Variants in RILPL1 observed in about 807,000 individuals in gnomAD.
The protein encoded by RILPL1 is Rab interacting lysosomal protein like 1, also known as RILP-like protein 1.
RILPL1 carries 33 observed loss-of-function variants against 50.3 expected under a neutral mutation model. The ratio of observed to expected loss-of-function variants is 0.66; its 90% CI spans 0.50 to 0.88. The LOEUF is 0.88. Among genes scored for constraint, RILPL1 ranks in the 40% least tolerant of loss-of-function variants. RILPL1 has a pLI of 0.00. For missense variants in RILPL1, 418 were observed against 542.5 expected (o/e 0.77, Z 2.28); for synonymous variants, 205 against 228.6 (o/e 0.90, Z 0.93).
chr12:123,495,475 C>T (rs1412122114), intron 4 of RILPL1, among the ~76,000 whole-genome samples: 2 of 143,594 alleles, frequency 1.4e-5, no homozygotes, highest in African/African-American at 5.2e-5. Flanking sequence ...CCTGGGTTCA[C>T]GCCATTCTCC....
intron 6 of RILPL1, among the ~76,000 whole-genome samples, chr12:123,477,940 G>C (rs1279160492): frequency 6.7e-6 from 1 of 149,958 alleles, no homozygotes; most frequent in African/African-American, 2.4e-5. Context: ...ATGCTCGGGG[G>C]CCTGGGACAC....
At chr12:123,521,691 A>ACG (rs1885058955) in intron 2 of RILPL1, among the ~76,000 whole-genome samples, 1 of 17,528 alleles carries the variant, frequency 5.7e-5, no homozygotes, top group Non-Finnish European at 1.8e-4. Flanking sequence ...ATATACACAC[A>ACG]TATATGTATA....
rs766440828 is a variant in RILPL1, at chr12:123,485,758, G to A, written c.849C>T (p.Ala283=). 2.5e-6 allele frequency: 4 copies of A among 1,612,222 alleles called. No individual in the cohort carries two copies. The highest frequency in any genetic ancestry group is 1.1e-5 in the South Asian group (1 of 90,868). The part of the protein sequence containing the change: ...EESISDAEKV[A]MDLKDPNRPR... Reference sequence around the variant, plus strand: ...GGCGGTTGGGGTCCTTGAGATCCATGGCCACCTTCTCTGCGTCGGAGATGC... The same window carrying A: ...GGCGGTTGGGGTCCTTGAGATCCATAGCCACCTTCTCTGCGTCGGAGATGC... Residue 283 remains alanine, a synonymous_variant, in exon 5 of 7, where the codon GCC becomes GCT. Coordinates refer to ENST00000376874, the MANE Select transcript of RILPL1 (RefSeq NM_178314.5). The surrounding 1 kb of genome is among the most constrained non-coding windows in gnomAD (Gnocchi z 4.0).
intron 2 of RILPL1, among the ~76,000 whole-genome samples, chr12:123,511,989 G>GTGT: frequency 7.4e-6 from 1 of 134,460 alleles, no homozygotes; most frequent in African/African-American, 2.8e-5. Flanking sequence ...GTCTGTGTGT[G>GTGT]GTGTGTGAGA....
At chr12:123,475,592 C>T (rs1345984804) in intron 6 of RILPL1, 1 of 1,003,922 alleles carries the variant, frequency 1.0e-6, no homozygotes, top group Non-Finnish European at 1.5e-6. Context: ...ACAGGTCAGC[C>T]CCAGCAGTAG....
rs1278992302 is a variant in RILPL1 at position 123,513,372 on chromosome 12, C to A, written c.460+10123G>T. ...GACCCACTCACTCATTTACTCCTTG[C>A]TGGGGCTGCCTTGGCTCCCCGAGAG... On this transcript the variant is annotated intron_variant, in intron 2 of 6. Coordinates refer to ENST00000376874, the MANE Select transcript of RILPL1 (RefSeq NM_178314.5). 1.3e-5 allele frequency: 5 copies of A among 392,436 alleles called. No homozygotes were observed. In the East Asian group the frequency reaches 3.7e-4, roughly 29 times the overall value. The allele number at this position is 392,436 out of a possible 1,614,324, so 24.3% of individuals were successfully genotyped here. A position where few individuals can be genotyped will look rare whatever the true frequency, so the allele number is the denominator to read the frequency against.
At position 123,522,980 on chromosome 12, in the gene RILPL1, G is replaced by T. The variant is rs751922704; in HGVS notation, c.460+515C>A. The stretch of plus-strand genomic sequence containing the variant: ...TGCAACCCCCGACCCAACAAATGCA[G>T]ATATTTGCGTGGCTCACTCTGTTAC... On this transcript the variant is annotated intron_variant, in intron 2 of 6. Coordinates refer to ENST00000376874, the MANE Select transcript of RILPL1 (RefSeq NM_178314.5). This position sits in a 1 kb window ranked among gnomAD's most constrained non-coding sequence, Gnocchi z 4.0. 3.9e-5 allele frequency among the ~76,000 whole-genome samples: 6 copies of T among 152,210 alleles called. No homozygotes were observed. The highest frequency in any genetic ancestry group is 7.4e-5 in the Non-Finnish European group (5 of 68,018).
At chr12:123,528,139 G>A (rs1417529685) in intron 1 of RILPL1, among the ~76,000 whole-genome samples, 1 of 152,066 alleles carries the variant, frequency 6.6e-6, no homozygotes, top group Non-Finnish European at 1.5e-5. Flanking sequence ...GGCTGAGGCA[G>A]GAGAATCACT....
intron 6 of RILPL1, chr12:123,475,477 C>T (rs1421599834): frequency 2.0e-5 from 12 of 589,116 alleles, no homozygotes; most frequent in Non-Finnish European, 3.7e-5. Flanking sequence ...AGGCTTCGCT[C>T]GAGTAGACCG....
intron 6 of RILPL1, among the ~76,000 whole-genome samples, chr12:123,477,337 CTTTT>C (rs371346379): frequency 1.0e-4 from 11 of 105,372 alleles, no homozygotes; most frequent in Non-Finnish European, 1.4e-4. Context: ...TTCTTTCTTT[CTTTT>C]TTTTTTTTTT....
Position 123,485,606 on chromosome 12 carries a change from G to C in RILPL1, c.974+27C>G, listed in dbSNP as rs751524641. On this transcript the variant is annotated intron_variant, in intron 5 of 6. Coordinates refer to ENST00000376874, the MANE Select transcript of RILPL1 (RefSeq NM_178314.5). The surrounding 1 kb of genome is among the most constrained non-coding windows in gnomAD (Gnocchi z 4.0). ...GCTAACCTCAGTAAGGAGCCAGCTC[G>C]GGCCATCCAGCCCCAGGGACACTTG... 1 of 1,608,498 alleles carries C rather than the reference G, an allele frequency of 6.2e-7. No individual in the cohort carries two copies. Among genetic ancestry groups the C allele is most frequent in the Non-Finnish European group, 8.5e-7 (1 of 1,177,390 alleles).
intron 1 of RILPL1, among the ~76,000 whole-genome samples, chr12:123,527,775 G>C (rs1187563500): frequency 6.6e-6 from 1 of 152,178 alleles, no homozygotes; most frequent in Non-Finnish European, 1.5e-5. Flanking sequence ...CAGCGTTAGA[G>C]GAATATGAGG....
Position 123,533,558 on chromosome 12 carries a change from G to C in RILPL1, c.-76C>G. 1.5e-6 allele frequency: 2 copies of C among 1,301,746 alleles called. No individual in the cohort carries two copies. Among genetic ancestry groups the C allele is most frequent in the Non-Finnish European group, 2.0e-6 (2 of 1,001,892 alleles). 80.6% of individuals were successfully genotyped at this position (1,301,746 alleles called of 1,614,324 possible). Reference sequence around the variant, plus strand: ...ACTTGCCGCTGTCGAGGGCCGGGCCGGCCGGGCCCAGCCTGGGCCGCGGGC... The same window carrying C: ...ACTTGCCGCTGTCGAGGGCCGGGCCCGCCGGGCCCAGCCTGGGCCGCGGGC... On this transcript the variant is annotated 5_prime_UTR_variant, in exon 1 of 7. Transcript: ENST00000376874. The surrounding 1 kb of genome is among the most constrained non-coding windows in gnomAD (Gnocchi z 6.2).
chr12:123,532,226 C>G (rs1339176355), intron 1 of RILPL1, among the ~76,000 whole-genome samples: 1 of 152,242 alleles, frequency 6.6e-6, no homozygotes, highest in East Asian at 1.9e-4. Flanking sequence ...TCCTCCCATT[C>G]TCAGTCTGAA....
rs556305749 is a variant in RILPL1 at position 123,481,338 on chromosome 12, A to G, written c.1067+2842T>C. Reference sequence around the variant, plus strand: ...TGTGCCACTGCACTCCAGCCTCGGCAATGGAGTGAGACTCCCTCTCAAAAA... The same window carrying G: ...TGTGCCACTGCACTCCAGCCTCGGCGATGGAGTGAGACTCCCTCTCAAAAA... On this transcript the variant is annotated intron_variant, in intron 6 of 6. Transcript: ENST00000376874. 6.0e-5 allele frequency among the ~76,000 whole-genome samples: 9 copies of G among 150,922 alleles called. No homozygotes were observed. The South Asian group carries it at 1.5e-3, about 25-fold the overall frequency.
At chr12:123,478,826 A>T (rs772216439) in intron 6 of RILPL1, among the ~76,000 whole-genome samples, 2 of 152,156 alleles carry the variant, frequency 1.3e-5, no homozygotes, top group Non-Finnish European at 2.9e-5. Context: ...GACCACGCAA[A>T]AGGGGGCACT....
intron 2 of RILPL1, among the ~76,000 whole-genome samples, chr12:123,503,071 G>T (rs1357656922): frequency 1.3e-5 from 2 of 151,348 alleles, no homozygotes; most frequent in Admixed American, 6.6e-5. Context: ...GTATTTTTAG[G>T]AGAGTCAGGT....
At chr12:123,525,720 A>AG (rs1885228088) in intron 1 of RILPL1, among the ~76,000 whole-genome samples, 1 of 150,268 alleles carries the variant, frequency 6.7e-6, no homozygotes, top group African/African-American at 2.4e-5. Context: ...AAAAAAAAAA[A>AG]AAAAGAAACA....
Position 123,484,169 on chromosome 12 carries a change from G to A in RILPL1, c.1067+11C>T, listed in dbSNP as rs560028193. ...TCAGCCGAGCGCAGAAGCTGGCAGCGCATCACTTACAGTCGCTTGATGCCC... is the reference window on the plus strand; with the variant it reads ...TCAGCCGAGCGCAGAAGCTGGCAGCACATCACTTACAGTCGCTTGATGCCC... On this transcript the variant is annotated intron_variant, in intron 6 of 6. Transcript: ENST00000376874. The A allele has an allele frequency of 2.3e-5, 36 of 1,587,020 alleles. No homozygotes were observed. The highest frequency in any genetic ancestry group is 6.6e-5 in the South Asian group (6 of 90,360).
Sources: allele counts gnomAD v4.1 joint callset (sites outside exome capture counted in the v4.1 genomes callset), GRCh38; gene constraint gnomAD v4.1.1; non-coding constraint Gnocchi (gnomAD v3.1); transcripts MANE v1.5; gene names NCBI Gene and HGNC (gene_info 2026-07-23, HGNC 2026-07-21).